Variants in FHIT observed in about 807,000 individuals in gnomAD.
FHIT encodes fragile histidine triad diadenosine triphosphatase.
Under a neutral mutation model 17.9 loss-of-function variants are expected in FHIT, and 19 were observed. The observed-to-expected ratio is 1.06, with a 90% CI of 0.74 to 1.56. FHIT has a LOEUF of 1.56. FHIT is among the 40% of genes most tolerant of loss of function. FHIT has a pLI of 0.00. For synonymous variants in FHIT, 81 were observed against 69.7 expected (o/e 1.16, Z -0.81); for missense variants, 248 against 189.2 (o/e 1.31, Z -1.82).
chr3:60,626,785 C>CTTTTT lies in FHIT; in HGVS notation c.-17-89811_-17-89807dup, dbSNP rs60098225. Among the ~76,000 whole-genome samples, 337 of 133,878 alleles carry CTTTTT rather than the reference C, an allele frequency of 2.5e-3. 4 individuals carry two copies. Among genetic ancestry groups the CTTTTT allele is most frequent in the African/African-American group, 7.2e-3 (259 of 36,214 alleles). The allele number at this position is 133,878 out of a possible 152,430, so 87.8% of individuals were successfully genotyped here. On this transcript the variant is annotated intron_variant, in intron 4 of 9. Transcript: ENST00000492590. ...CTTCCTTATCTTAGGGGAAAACACTCTTTTTTTTTTTTTTTTTTACGTTAA... is the reference window on the plus strand; with the variant it reads ...CTTCCTTATCTTAGGGGAAAACACTCTTTTTTTTTTTTTTTTTTTTTTTACGTTAA...
At chr3:61,058,752 T>C (rs2106687131) in intron 2 of FHIT, among the ~76,000 whole-genome samples, 1 of 152,336 alleles carries the variant, frequency 6.6e-6, no homozygotes, top group East Asian at 1.9e-4. Flanking sequence ...TTTATAGCAA[T>C]GCAAGAACGG....
intron 5 of FHIT, among the ~76,000 whole-genome samples, chr3:60,141,231 A>T (rs1196364217): frequency 6.6e-6 from 1 of 152,114 alleles, no homozygotes; most frequent in African/African-American, 2.4e-5. Flanking sequence ...TGCACAGATA[A>T]TTGATTAACA....
At chr3:60,096,719 G>A (rs148449300) in intron 5 of FHIT, among the ~76,000 whole-genome samples, 1,815 of 152,248 alleles carry the variant, frequency 0.012, 22 homozygotes, top group African/African-American at 0.04. Context: ...CCCAGTTCAA[G>A]CTGAGGCAGA....
At chr3:60,146,974 T>A (rs2107318012) in intron 5 of FHIT, among the ~76,000 whole-genome samples, 1 of 152,324 alleles carries the variant, frequency 6.6e-6, no homozygotes, top group South Asian at 2.1e-4. Context: ...AATTTATTAA[T>A]AGAAGTGCTA....
intron 8 of FHIT, among the ~76,000 whole-genome samples, chr3:59,835,651 C>G (rs536648032): frequency 2.7e-4 from 41 of 152,270 alleles, no homozygotes; most frequent in Admixed American, 8.5e-4. Flanking sequence ...CTCAATATGT[C>G]TTCCCCATAA....
intron 3 of FHIT, among the ~76,000 whole-genome samples, chr3:60,928,642 T>A (rs1313851200): frequency 6.7e-6 from 1 of 150,146 alleles, no homozygotes; most frequent in East Asian, 1.9e-4. Flanking sequence ...CCTCGACACA[T>A]ACACCCTCCC....
intron 8 of FHIT, among the ~76,000 whole-genome samples, chr3:59,912,690 G>T (rs1270790434): frequency 6.6e-6 from 1 of 152,080 alleles, no homozygotes; most frequent in Non-Finnish European, 1.5e-5. Flanking sequence ...TTTTTTAGAG[G>T]GAAAATATAT....
intron 5 of FHIT, among the ~76,000 whole-genome samples, chr3:60,353,218 C>A (rs1438274298): frequency 6.6e-6 from 1 of 152,112 alleles, no homozygotes; most frequent in East Asian, 1.9e-4. Flanking sequence ...GAAGCTGAAT[C>A]CTCCACTGCT....
At chr3:60,471,237 T>C (rs966611140) in intron 5 of FHIT, among the ~76,000 whole-genome samples, 7 of 152,192 alleles carry the variant, frequency 4.6e-5, no homozygotes, top group Non-Finnish European at 1.0e-4. Flanking sequence ...TCTTAGGTCA[T>C]GTGTACCCCA....
At chr3:59,810,026 C>G (rs1246342553) in intron 8 of FHIT, among the ~76,000 whole-genome samples, 2 of 152,102 alleles carry the variant, frequency 1.3e-5, no homozygotes, top group Non-Finnish European at 2.9e-5. Flanking sequence ...AGCTTCAAAT[C>G]TAGAGGATAA....
chr3:60,228,885 C>T (rs1704349750), intron 5 of FHIT, among the ~76,000 whole-genome samples: 1 of 151,986 alleles, frequency 6.6e-6, no homozygotes, highest in Admixed American at 6.6e-5. Flanking sequence ...CACAATAGTT[C>T]TATAAAATAC....
chr3:60,549,642 C>A (rs2036481363), intron 4 of FHIT, among the ~76,000 whole-genome samples: 2 of 152,100 alleles, frequency 1.3e-5, no homozygotes, highest in Admixed American at 1.3e-4. Context: ...TCTAATTCTC[C>A]AAATTGCTAA....
At chr3:60,854,068 G>C (rs1165768355) in intron 3 of FHIT, among the ~76,000 whole-genome samples, 1 of 152,094 alleles carries the variant, frequency 6.6e-6, no homozygotes, top group Non-Finnish European at 1.5e-5. Context: ...TAAATGTTCA[G>C]ATTCACCAGT....
chr3:60,931,778 T>G (rs903368485), intron 3 of FHIT, among the ~76,000 whole-genome samples: 9 of 152,230 alleles, frequency 5.9e-5, no homozygotes, highest in African/African-American at 2.2e-4. Context: ...TTTCAGCATT[T>G]TTTAAAGAGC....
intron 7 of FHIT, among the ~76,000 whole-genome samples, chr3:59,927,575 G>A (rs1333508335): frequency 1.3e-5 from 2 of 151,980 alleles, no homozygotes; most frequent in East Asian, 3.9e-4. Flanking sequence ...AGACCAGTCT[G>A]ACCAACATTG....
At chr3:60,361,146 G>T (rs112206277) in intron 5 of FHIT, among the ~76,000 whole-genome samples, 2,122 of 152,256 alleles carry the variant, frequency 0.014, 59 homozygotes, top group African/African-American at 0.048. Flanking sequence ...CCAAGTACTG[G>T]GCTATGTATT....
intron 5 of FHIT, among the ~76,000 whole-genome samples, chr3:60,385,931 G>A (rs574274254): frequency 1.6e-4 from 24 of 152,200 alleles, no homozygotes; most frequent in African/African-American, 4.8e-4. Flanking sequence ...CTGGGGAATC[G>A]ATGTCAAAAG....
At chr3:61,055,160 G>A (rs1368109347) in intron 2 of FHIT, among the ~76,000 whole-genome samples, 1 of 152,044 alleles carries the variant, frequency 6.6e-6, no homozygotes, top group Non-Finnish European at 1.5e-5. Flanking sequence ...ACTAGGGCTA[G>A]GCTTTAGACA....
intron 5 of FHIT, among the ~76,000 whole-genome samples, chr3:60,157,629 G>A (rs1559684606): frequency 6.6e-6 from 1 of 152,178 alleles, no homozygotes; most frequent in Non-Finnish European, 1.5e-5. Context: ...TGTTTAGCCT[G>A]GAGAATGATA....
Sources: allele counts gnomAD v4.1 joint callset (sites outside exome capture counted in the v4.1 genomes callset), GRCh38; gene constraint gnomAD v4.1.1; transcripts MANE v1.5; gene names NCBI Gene and HGNC (gene_info 2026-07-23, HGNC 2026-07-21).